The following POLA2 variants were observed in gnomAD, a reference collection of about 807,000 sequenced individuals.
POLA2 encodes the protein DNA polymerase alpha subunit B.
In POLA2, 47 loss-of-function variants were observed where a neutral mutation model predicts 82.8. The observed-to-expected ratio is 0.57, with a 90% CI of 0.45 to 0.72. The LOEUF (loss-of-function observed/expected upper bound fraction) is 0.72. Ranked by LOEUF, POLA2 falls within the 30% of genes least tolerant of loss-of-function variation. The pLI is 0.00. For missense variants in POLA2, 634 were observed against 728.1 expected, an observed-to-expected ratio of 0.87 and a Z score of 1.49; for synonymous variants, 287 against 286.8, an observed-to-expected ratio of 1.00 and a Z score of -0.01.
At position 65,279,470 on chromosome 11, in the gene POLA2, T is replaced by C. The variant is rs561323638; in HGVS notation, c.656-68T>C. The C allele has an allele frequency of 3.8e-4, 371 of 968,808 alleles. 2 individuals are homozygous for C. The African/African-American group carries it at 5.2e-3, about 14-fold the overall frequency. The allele number at this position is 968,808 out of a possible 1,614,324, so 60.0% of individuals were successfully genotyped here. ...CTGACTTTAATATTTTACAATGTGC[T>C]GTATTTTCTCTTCTTGGCAAGTGAA... is the stretch of plus-strand genomic sequence containing the variant. On this transcript the variant is annotated intron_variant, in intron 6 of 17. Transcript: ENST00000265465.
chr11:65,278,092 A>C (rs1443180296), intron 5 of POLA2, among the ~76,000 whole-genome samples: 4 of 152,220 alleles, frequency 2.6e-5, no homozygotes, highest in Non-Finnish European at 5.9e-5. Flanking sequence ...TAAGCAGATC[A>C]GCAATATCCA....
intron 4 of POLA2, among the ~76,000 whole-genome samples, chr11:65,273,772 G>A (rs1455097188): frequency 1.3e-5 from 2 of 151,668 alleles, no homozygotes; most frequent in Non-Finnish European, 2.9e-5. Flanking sequence ...AGGATTACAG[G>A]CACGAGCCAC....
At chr11:65,271,684 CA>C (rs1262833071) in intron 4 of POLA2, among the ~76,000 whole-genome samples, 7 of 151,070 alleles carry the variant, frequency 4.6e-5, no homozygotes, top group Non-Finnish European at 5.9e-5. Flanking sequence ...CATCTCTACT[CA>C]AAAAATTAGC....
chr11:65,263,815 G>A (rs1226768897), intron 1 of POLA2, among the ~76,000 whole-genome samples: 2 of 150,360 alleles, frequency 1.3e-5, no homozygotes, highest in African/African-American at 2.4e-5. Flanking sequence ...CAACAGGAGC[G>A]AGACTCTGTC....
At position 65,278,938 on chromosome 11, in the gene POLA2, C is replaced by G. The variant is rs761844245; in HGVS notation, c.655+15C>G. 22 of 1,609,666 alleles carry G rather than the reference C, an allele frequency of 1.4e-5. 1 individual carries two copies. In the African/African-American group the frequency reaches 2.9e-4, roughly 22 times the overall value. On this transcript the variant is annotated intron_variant, in intron 6 of 17. Transcript: ENST00000265465. ...CATTCGAGAAGGTGATTGTTTTTCC[C>G]TTTGAAATTCTGGTGGATATAAAAC...
chr11:65,280,995 C>A lies in POLA2; in HGVS notation c.748C>A (p.Pro250Thr). Residue 250 changes from proline to threonine, a missense_variant, in exon 8 of 18, where the codon CCT becomes ACT. Pro to Thr is a conservative substitution (Grantham distance 38). Transcript: ENST00000265465. ...FTPLLAPAQE[P>T]VTLLGQIGCD... is the part of the protein sequence containing the mutation. ...TGCTGTGACCTTCCTTTGGTAGGAG[C>A]CTGTCACTCTGCTGGGCCAGATTGG... The A allele has an allele frequency of 1.2e-6, 2 of 1,613,486 alleles. No individual in the cohort carries two copies. The highest frequency in any genetic ancestry group is 8.5e-7 in the Non-Finnish European group (1 of 1,179,872).
chr11:65,290,285 C>T (rs896640340), intron 13 of POLA2, among the ~76,000 whole-genome samples: 1 of 149,748 alleles, frequency 6.7e-6, no homozygotes, highest in Admixed American at 6.7e-5. Context: ...CGTGGTGGCT[C>T]ACGCACTTTG....
intron 10 of POLA2, among the ~76,000 whole-genome samples, chr11:65,286,090 C>A (rs1009117598): frequency 1.3e-5 from 2 of 152,144 alleles, no homozygotes; most frequent in Non-Finnish European, 2.9e-5. Flanking sequence ...CAGGTGGGTC[C>A]ACTATAATCA....
chr11:65,300,862 G>T (rs942739137), downstream of POLA2, among the ~76,000 whole-genome samples: 6 of 152,230 alleles, frequency 3.9e-5, no homozygotes, highest in Non-Finnish European at 7.3e-5. Flanking sequence ...GATTACAGGC[G>T]TAAGCCACTG....
At chr11:65,304,416 AACCCACCCATCC>A (rs59007088) in intron 8 of POLA2, among the ~76,000 whole-genome samples, 2,065 of 118,994 alleles carry the variant, frequency 0.017, 41 homozygotes, top group African/African-American at 0.062. Flanking sequence ...CCCACCCATC[AACCCACCCATCC>A]ACCCAACCAT....
At chr11:65,282,716 C>T (rs920228491) in intron 10 of POLA2, among the ~76,000 whole-genome samples, 195 bp downstream of exon 10, 10 of 152,174 alleles carry the variant, frequency 6.6e-5, no homozygotes, top group Non-Finnish European at 1.3e-4. Context: ...GAGCGTTGGT[C>T]GTGCTGTCGC....
chr11:65,269,584 A>G (rs1949500719), intron 4 of POLA2, among the ~76,000 whole-genome samples: 1 of 152,264 alleles, frequency 6.6e-6, no homozygotes, highest in Non-Finnish European at 1.5e-5. Flanking sequence ...TCTGCCCTCA[A>G]GAAGCTGACA....
rs138966982 is a variant in POLA2 at position 65,279,569 on chromosome 11, C to T, written c.687C>T (p.Ser229=). 25 of 1,613,210 alleles carry T rather than the reference C, an allele frequency of 1.5e-5. No individual in the cohort carries two copies. Among genetic ancestry groups the T allele is most frequent in the African/African-American group, 8.0e-5 (6 of 74,984 alleles). ...CCTGTAAGATAGAAGAACTTGGCAG[C>T]GAACTCAAGGAACATTACAAGATTG... The part of the protein sequence containing the change: ...VLTCKIEELG[S]ELKEHYKIEA... Residue 229 remains serine, a synonymous_variant, in exon 7 of 18, where the codon AGC becomes AGT. Transcript: ENST00000265465.
intron 4 of POLA2, among the ~76,000 whole-genome samples, chr11:65,275,216 C>T (rs1449171424): frequency 6.6e-6 from 1 of 152,172 alleles, no homozygotes; most frequent in African/African-American, 2.4e-5. Context: ...GGGAAAGCTG[C>T]AGACTAGCTG....
chr11:65,296,440 C>T (rs766184347), intron 17 of POLA2: 1 of 173,490 alleles, frequency 5.8e-6, no homozygotes, highest in Non-Finnish European at 1.3e-5. Context: ...AGGTCCCTTA[C>T]AAGGAATCTG....
At chr11:65,286,226 C>T (rs1211373586) in intron 10 of POLA2, among the ~76,000 whole-genome samples, 1 of 152,054 alleles carries the variant, frequency 6.6e-6, no homozygotes, top group Non-Finnish European at 1.5e-5. Flanking sequence ...AGGCTTCTGG[C>T]TTTGCCGCTG....
intron 1 of POLA2, among the ~76,000 whole-genome samples, chr11:65,266,224 A>G (rs1281098814): frequency 1.3e-5 from 2 of 152,118 alleles, no homozygotes; most frequent in Non-Finnish European, 2.9e-5. Context: ...CCTTACATTC[A>G]GTTAGCAGAT....
chr11:65,285,417 C>G (rs1212652310), intron 10 of POLA2, among the ~76,000 whole-genome samples: 2 of 150,826 alleles, frequency 1.3e-5, no homozygotes. Context: ...AAAAAATTAG[C>G]TGGGTGTGGG....
chr11:65,296,138 G>A, intron 17 of POLA2, 148 bp downstream of exon 17: 1 of 812,658 alleles, frequency 1.2e-6, no homozygotes, highest in Non-Finnish European at 2.0e-6. Context: ...TCTTTGGGGA[G>A]GTGGTGGGAC....
Sources: allele counts gnomAD v4.1 joint callset (sites outside exome capture counted in the v4.1 genomes callset), GRCh38; gene constraint gnomAD v4.1.1; transcripts MANE v1.5; gene names NCBI Gene and HGNC (gene_info 2026-07-23, HGNC 2026-07-21).